The following ZBED5 variants were observed in gnomAD, a reference collection of about 807,000 sequenced individuals.
The protein encoded by ZBED5 is zinc finger BED-type containing 5.
In ZBED5, 29 loss-of-function variants were observed where a neutral mutation model predicts 49.2. That is an observed-to-expected ratio of 0.59 (90% CI 0.44 to 0.80). ZBED5 has a LOEUF of 0.80. Among genes scored for constraint, ZBED5 ranks in the 30% least tolerant of loss-of-function variants. The pLI is 0.00. For missense variants in ZBED5, 775 were observed against 812.9 expected (o/e 0.95, Z 0.57); for synonymous variants, 281 against 292.5 (o/e 0.96, Z 0.40).
chr11:10,853,325 C>G lies in ZBED5; in HGVS notation c.1621G>C (p.Val541Leu). ...ATGGCACTGCAAATATCTTTATCAA[C>G]TGTAGAATTAATTTCAGTCAAAAAA... ...SDFLTEINST[V>L]DKDICSAIVQ... Residue 541 changes from valine (V) to leucine (L), a missense_variant, in exon 3 of 3, where the codon GTT becomes CTT. Val to Leu is a conservative substitution (Grantham distance 32, BLOSUM62 1). Transcript: ENST00000413761. The surrounding 1 kb of genome is among the most constrained non-coding windows in gnomAD (Gnocchi z 5.4). The G allele has an allele frequency of 6.4e-7, 1 of 1,551,682 alleles. No individual in the cohort carries two copies. Among genetic ancestry groups the G allele is most frequent in the Non-Finnish European group, 8.7e-7 (1 of 1,146,968 alleles).
In ZBED5 at chr11:10,854,880, A is replaced by G. The variant is rs541103328; in HGVS notation, c.66T>C (p.Tyr22=). 124 of 1,551,636 alleles carry G rather than the reference A, an allele frequency of 8.0e-5. No homozygotes were observed. Among genetic ancestry groups the G allele is most frequent in the Non-Finnish European group, 8.6e-5 (99 of 1,146,934 alleles). ...TGGTACAAAACATGGTTAATTTAGAATAGACATTGAGTATCGCAAATGTGT... is the reference window on the plus strand; with the variant it reads ...TGGTACAAAACATGGTTAATTTAGAGTAGACATTGAGTATCGCAAATGTGT... ...NFNTFAILNV[Y]SKLTMFCTTN... Residue 22 remains tyrosine, a synonymous_variant, in exon 3 of 3, where the codon TAT becomes TAC. Transcript: ENST00000413761. The surrounding 1 kb of genome is among the most constrained non-coding windows in gnomAD (Gnocchi z 5.0).
chr11:10,855,064 C>A lies in ZBED5; in HGVS notation c.-119G>T. ...TGATCTCTCATGCGACTTCCTGGTG[C>A]TCTCAGGTATGGTACACCTTTTCTT... On this transcript the variant is annotated 5_prime_UTR_variant, in exon 3 of 3. Transcript: ENST00000413761. This position sits in a 1 kb window ranked among gnomAD's most constrained non-coding sequence, Gnocchi z 4.1. 1 of 1,273,540 alleles carries A rather than the reference C, an allele frequency of 7.9e-7. No individual in the cohort carries two copies. Among genetic ancestry groups the A allele is most frequent in the South Asian group, 1.6e-5 (1 of 61,568 alleles). The allele number at this position is 1,273,540 out of a possible 1,614,324, so 78.9% of individuals were successfully genotyped here.
Position 10,855,037 on chromosome 11 carries a change from G to A in ZBED5, c.-92C>T. ...TGGAACATCATACGTTCATGTATCA[G>A]GTGATCTCTCATGCGACTTCCTGGT... On this transcript the variant is annotated 5_prime_UTR_variant, in exon 3 of 3. Coordinates refer to ENST00000413761, the MANE Select transcript of ZBED5 (RefSeq NM_001143667.2). This position sits in a 1 kb window ranked among gnomAD's most constrained non-coding sequence, Gnocchi z 4.1. 2 of 1,445,142 alleles carry A rather than the reference G, an allele frequency of 1.4e-6. No homozygotes were observed. The highest frequency in any genetic ancestry group is 1.8e-6 in the Non-Finnish European group (2 of 1,084,786). 89.5% of individuals were successfully genotyped at this position (1,445,142 alleles called of 1,614,324 possible). A position where few individuals can be genotyped will look rare whatever the true frequency, so the allele number is the denominator to read the frequency against.
At position 10,853,070 on chromosome 11, in the gene ZBED5, T is replaced by C; in HGVS notation, c.1876A>G (p.Ser626Gly). 1 of 1,551,582 alleles carries C rather than the reference T, an allele frequency of 6.4e-7. No homozygotes were observed. Among genetic ancestry groups the C allele is most frequent in the Non-Finnish European group, 8.7e-7 (1 of 1,146,890 alleles). The change falls in exon 3 of 3, where the codon AGC (serine) becomes GGC (glycine). Residue 626 changes from serine (S) to glycine (G), a missense_variant. Ser to Gly is a moderately conservative substitution (Grantham distance 56, BLOSUM62 0). Coordinates refer to ENST00000413761, the MANE Select transcript of ZBED5 (RefSeq NM_001143667.2). This position sits in a 1 kb window ranked among gnomAD's most constrained non-coding sequence, Gnocchi z 5.4. ...ACACGCACTGCACGCCTTGCAATGCTTGGGTATTCCTGAATTAGGCTACTC... is the reference window on the plus strand; with the variant it reads ...ACACGCACTGCACGCCTTGCAATGCCTGGGTATTCCTGAATTAGGCTACTC... The part of the protein sequence containing the change: ...FWSSLIQEYP[S>G]IARRAVRVLL...
chr11:10,854,117 G>C lies in ZBED5; in HGVS notation c.829C>G (p.Leu277Val), dbSNP rs1037128597. Residue 277 changes from leucine (L) to valine (V), a missense_variant, in exon 3 of 3, where the codon CTA becomes GTA. Coordinates refer to ENST00000413761, the MANE Select transcript of ZBED5 (RefSeq NM_001143667.2). This position sits in a 1 kb window ranked among gnomAD's most constrained non-coding sequence, Gnocchi z 5.0. ...CCTGAAACATCAGCTGATTCATCTA[G>C]TTGCAGTGAAAACCCATCGCAAATT... ...LKICDGFSLQ[L>V]DESADVSGLA... The C allele has an allele frequency of 1.1e-5, 17 of 1,550,680 alleles. No individual in the cohort carries two copies. Among genetic ancestry groups the C allele is most frequent in the Non-Finnish European group, 1.4e-5 (16 of 1,146,374 alleles).
rs535364812 is a variant in ZBED5, at chr11:10,858,048, C to T, written c.-442G>A. ...TCCGATTCGCGGCTGGCGCGGTCGC[C>T]GGTCTGAAGATAAATTTAGCACTCT... On this transcript the variant is annotated 5_prime_UTR_variant, in exon 1 of 3. Transcript: ENST00000413761. 2.0e-4 allele frequency: 70 copies of T among 343,314 alleles called. No individual in the cohort carries two copies. The highest frequency in any genetic ancestry group is 7.5e-4 in the Middle Eastern group (1 of 1,340). 21.3% of individuals were successfully genotyped at this position (343,314 alleles called of 1,614,324 possible). A position where few individuals can be genotyped will look rare whatever the true frequency, so the allele number is the denominator to read the frequency against.
Position 10,855,031 on chromosome 11 carries a change from G to T in ZBED5, c.-86C>A. 2.1e-6 allele frequency: 3 copies of T among 1,461,608 alleles called. No individual in the cohort carries two copies. Among genetic ancestry groups the T allele is most frequent in the Non-Finnish European group, 2.7e-6 (3 of 1,096,146 alleles). The allele number at this position is 1,461,608 out of a possible 1,614,324, so 90.5% of individuals were successfully genotyped here. A position where few individuals can be genotyped will look rare whatever the true frequency, so the allele number is the denominator to read the frequency against. On this transcript the variant is annotated 5_prime_UTR_variant, in exon 3 of 3. Transcript: ENST00000413761. This position sits in a 1 kb window ranked among gnomAD's most constrained non-coding sequence, Gnocchi z 4.1. ...CGCAGATGGAACATCATACGTTCAT[G>T]TATCAGGTGATCTCTCATGCGACTT...
In ZBED5 at chr11:10,855,085, T is replaced by TAAGAAAAGGTG; in HGVS notation, c.-141_-140insCACCTTTTCTT. 1 of 995,696 alleles carries TAAGAAAAGGTG rather than the reference T, an allele frequency of 1.0e-6. No individual in the cohort carries two copies. The highest frequency in any genetic ancestry group is 2.7e-5 in the East Asian group (1 of 37,516). The allele number at this position is 995,696 out of a possible 1,614,324, so 61.7% of individuals were successfully genotyped here. A position where few individuals can be genotyped will look rare whatever the true frequency, so the allele number is the denominator to read the frequency against. ...GGTGCTCTCAGGTATGGTACACCTT[T>TAAGAAAAGGTG]TCTTAAAGGTAGATTATCACATAAA... is the stretch of plus-strand genomic sequence containing the variant. On this transcript the variant is annotated splice_region_variant and 5_prime_UTR_variant, in exon 3 of 3. Coordinates refer to ENST00000413761, the MANE Select transcript of ZBED5 (RefSeq NM_001143667.2). This position sits in a 1 kb window ranked among gnomAD's most constrained non-coding sequence, Gnocchi z 4.1.
rs1490141404 is a variant in ZBED5, at chr11:10,854,646, T to G, written c.300A>C (p.Thr100=). The G allele has an allele frequency of 1.3e-6, 2 of 1,551,202 alleles. No homozygotes were observed. The highest frequency in any genetic ancestry group is 1.2e-5 in the South Asian group (1 of 84,014). Residue 100 remains threonine, a synonymous_variant, in exon 3 of 3, where the codon ACA becomes ACC. Transcript: ENST00000413761. The surrounding 1 kb of genome is among the most constrained non-coding windows in gnomAD (Gnocchi z 5.0). ...VKFISNSNKI[T]FSKKPKRRKY... ...TTCTTCTTTTTGGTTTTTTACTAAA[T>G]GTTATTTTGTTGGAATTGGATATAA...
rs765612115 is a variant in ZBED5 at position 10,854,660 on chromosome 11, A to C, written c.286T>G (p.Ser96Ala). 40 of 1,551,318 alleles carry C rather than the reference A, an allele frequency of 2.6e-5. 1 individual carries two copies. In the South Asian group the frequency reaches 4.0e-4, roughly 16 times the overall value. Residue 96 changes from serine to alanine, a missense_variant, in exon 3 of 3, where the codon TCC (serine) becomes GCC (alanine). Ser to Ala is a moderately conservative substitution (Grantham distance 99, BLOSUM62 1). Coordinates refer to ENST00000413761, the MANE Select transcript of ZBED5 (RefSeq NM_001143667.2). The surrounding 1 kb of genome is among the most constrained non-coding windows in gnomAD (Gnocchi z 5.0). ...ELSRVKFISNSNKITFSKKPK... is the reference protein window; with the variant it reads ...ELSRVKFISNANKITFSKKPK... ...TTTTTACTAAATGTTATTTTGTTGG[A>C]ATTGGATATAAATTTGACCCTGGAA...
intron 1 of ZBED5, among the ~76,000 whole-genome samples, 188 bp from the exon 2 acceptor site, chr11:10,856,445 G>C (rs951385913): frequency 2.6e-5 from 4 of 152,046 alleles, no homozygotes; most frequent in African/African-American, 7.3e-5. Flanking sequence ...TCAATATCTT[G>C]GCAATTTAGA....
Position 10,854,358 on chromosome 11 carries a change from T to A in ZBED5, c.588A>T (p.Ala196=), listed in dbSNP as rs1248839200. The A allele has an allele frequency of 6.4e-7, 1 of 1,550,850 alleles. No homozygotes were observed. Among genetic ancestry groups the A allele is most frequent in the Admixed American group, 2.0e-5 (1 of 51,000 alleles). The change falls in exon 3 of 3, where the codon GCA becomes GCT. Residue 196 remains alanine (A), a synonymous_variant. Coordinates refer to ENST00000413761, the MANE Select transcript of ZBED5 (RefSeq NM_001143667.2). The surrounding 1 kb of genome is among the most constrained non-coding windows in gnomAD (Gnocchi z 5.0). Reference sequence around the variant, plus strand: ...CTATATGGTAACTTACATTGTATGATGCTTCTGTAGCACTTTCATTATCTG... The same window carrying A: ...CTATATGGTAACTTACATTGTATGAAGCTTCTGTAGCACTTTCATTATCTG... ...VNTDNESATE[A]SYNVSYHIAL... is the part of the protein sequence containing the mutation.
chr11:10,856,462 G>A (rs987236711), intron 1 of ZBED5, among the ~76,000 whole-genome samples: 9 of 152,152 alleles, frequency 5.9e-5, no homozygotes, highest in African/African-American at 1.7e-4. Context: ...TAGATGCTTT[G>A]AGATGTTCCC....
rs773179960 is a variant in ZBED5 at position 10,854,246 on chromosome 11, A to G, written c.700T>C (p.Tyr234His). Reference sequence around the variant, plus strand: ...TGTACTGCATCTATTTTTTTACTATATTGTTCATCAAACATCCGCATCACT... The same window carrying G: ...TGTACTGCATCTATTTTTTTACTATGTTGTTCATCAAACATCCGCATCACT... The part of the protein sequence containing the change: ...DVVMRMFDEQ[Y>H]SKKIDAVQLS... The change falls in exon 3 of 3, where the codon TAT becomes CAT. Residue 234 changes from tyrosine (Y) to histidine (H), a missense_variant. By Grantham distance (83) the Tyr-to-His change is moderately conservative (BLOSUM62 2). Transcript: ENST00000413761. The surrounding 1 kb of genome is among the most constrained non-coding windows in gnomAD (Gnocchi z 5.0). The G allele has an allele frequency of 1.3e-6, 2 of 1,551,126 alleles. No individual in the cohort carries two copies. The highest frequency in any genetic ancestry group is 1.7e-6 in the Non-Finnish European group (2 of 1,146,758).
At position 10,853,391 on chromosome 11, in the gene ZBED5, C is replaced by T. The variant is rs1333814089; in HGVS notation, c.1555G>A (p.Val519Ile). The T allele has an allele frequency of 6.5e-7, 1 of 1,550,118 alleles. No individual in the cohort carries two copies. Among genetic ancestry groups the T allele is most frequent in the African/African-American group, 1.4e-5 (1 of 72,922 alleles). ...LRKLEFWASS[V>I]EEENFDCFPT... ...AAACAATCAAAGTTTTCTTCTTCTACAGATGAGGCCCAAAATTCCAATTTT... is the reference window on the plus strand; with the variant it reads ...AAACAATCAAAGTTTTCTTCTTCTATAGATGAGGCCCAAAATTCCAATTTT... The change falls in exon 3 of 3, where the codon GTA (valine) becomes ATA (isoleucine). Residue 519 changes from valine (V) to isoleucine (I), a missense_variant. Val to Ile is a conservative substitution (Grantham distance 29). Transcript: ENST00000413761. The surrounding 1 kb of genome is among the most constrained non-coding windows in gnomAD (Gnocchi z 5.4).
chr11:10,853,120 C>G lies in ZBED5; in HGVS notation c.1826G>C (p.Ser609Thr). The change falls in exon 3 of 3, where the codon AGT becomes ACT. Residue 609 changes from serine to threonine, a missense_variant. Transcript: ENST00000413761. This position sits in a 1 kb window ranked among gnomAD's most constrained non-coding sequence, Gnocchi z 5.4. ...CCAAAAATCATTTAGTGAAAGTTCACTAAAATTTTGCTTCACTTGAGAATC... is the reference window on the plus strand; with the variant it reads ...CCAAAAATCATTTAGTGAAAGTTCAGTAAAATTTTGCTTCACTTGAGAATC... The part of the protein sequence containing the change: ...TSDSQVKQNF[S>T]ELSLNDFWSS... 1 of 1,551,616 alleles carries G rather than the reference C, an allele frequency of 6.4e-7. No individual in the cohort carries two copies.
Position 10,853,423 on chromosome 11 carries a change from A to G in ZBED5, c.1523T>C (p.Leu508Ser), listed in dbSNP as rs890149827. The G allele has an allele frequency of 7.7e-6, 12 of 1,549,726 alleles. No individual in the cohort carries two copies. The highest frequency in any genetic ancestry group is 8.7e-6 in the Non-Finnish European group (10 of 1,146,054). ...VFTVFDKMSSLLRKLEFWASS... is the reference protein window; with the variant it reads ...VFTVFDKMSSSLRKLEFWASS... ...GGCCCAAAATTCCAATTTTCTTAAC[A>G]ATGACGACATTTTATCAAATACTGT... Residue 508 changes from leucine (L) to serine (S), a missense_variant, in exon 3 of 3, where the codon TTG becomes TCG. Leu to Ser is a moderately radical substitution (Grantham distance 145). Coordinates refer to ENST00000413761, the MANE Select transcript of ZBED5 (RefSeq NM_001143667.2). The surrounding 1 kb of genome is among the most constrained non-coding windows in gnomAD (Gnocchi z 5.4).
At position 10,853,074 on chromosome 11, in the gene ZBED5, G is replaced by A. The variant is rs1848121175; in HGVS notation, c.1872C>T (p.Tyr624=). ...GCACTGCACGCCTTGCAATGCTTGG[G>A]TATTCCTGAATTAGGCTACTCCAAA... is the stretch of plus-strand genomic sequence containing the variant. ...NDFWSSLIQE[Y]PSIARRAVRV... Residue 624 remains tyrosine, a synonymous_variant, in exon 3 of 3, where the codon TAC becomes TAT. Coordinates refer to ENST00000413761, the MANE Select transcript of ZBED5 (RefSeq NM_001143667.2). The surrounding 1 kb of genome is among the most constrained non-coding windows in gnomAD (Gnocchi z 5.4). 2 of 1,551,542 alleles carry A rather than the reference G, an allele frequency of 1.3e-6. No individual in the cohort carries two copies. The highest frequency in any genetic ancestry group is 1.7e-4 in the Middle Eastern group (1 of 5,992).
In ZBED5 at chr11:10,853,693, T is replaced by C. The variant is rs1036753490; in HGVS notation, c.1253A>G (p.Glu418Gly). Reference protein sequence around the residue: ...QSRLLKILCEEMGAQHTALLL... With the variant: ...QSRLLKILCEGMGAQHTALLL... Reference sequence around the variant, plus strand: ...AAGTGCTGTGTGCTGAGCACCCATTTCCTCACATAAAATTTTTAATAGTCT... The same window carrying C: ...AAGTGCTGTGTGCTGAGCACCCATTCCCTCACATAAAATTTTTAATAGTCT... Residue 418 changes from glutamate to glycine, a missense_variant, in exon 3 of 3, where the codon GAA (glutamate) becomes GGA (glycine). Glu to Gly is a moderately conservative substitution (Grantham distance 98). Transcript: ENST00000413761. This position sits in a 1 kb window ranked among gnomAD's most constrained non-coding sequence, Gnocchi z 5.4. 1.0e-5 allele frequency: 16 copies of C among 1,551,636 alleles called. No individual in the cohort carries two copies. The highest frequency in any genetic ancestry group is 9.6e-6 in the Non-Finnish European group (11 of 1,146,946).
Sources: gnomAD v4.1 joint callset for allele counts (sites outside exome capture counted in the v4.1 genomes callset) on GRCh38, gnomAD v4.1.1 for gene constraint, Gnocchi (gnomAD v3.1) non-coding constraint, MANE v1.5 for transcripts, NCBI Gene and HGNC (gene_info 2026-07-23, HGNC 2026-07-21) for gene names.